WASF3: variants seen among roughly 807,000 people sequenced by gnomAD.
WASF3 encodes actin-binding protein WASF3.
In WASF3, 11 loss-of-function variants were observed where a neutral mutation model predicts 46.6. The observed-to-expected ratio is 0.24, with a 90% CI of 0.15 to 0.39. WASF3 has a LOEUF of 0.39. WASF3 is among the 10% of genes least tolerant of loss of function. WASF3 has a pLI of 1.00. For synonymous variants in WASF3, 242 were observed against 259.7 expected (o/e 0.93, Z 0.65); for missense variants, 576 against 669.8 (o/e 0.86, Z 1.55).
chr13:26,623,218 C>G (rs1306652239), intron 2 of WASF3, among the ~76,000 whole-genome samples: 3 of 152,208 alleles, frequency 2.0e-5, no homozygotes, highest in African/African-American at 7.2e-5. Flanking sequence ...CTACAGCCCT[C>G]CACTGGGTAC....
In WASF3 at chr13:26,682,758, C is replaced by T. The variant is rs1320283822; in HGVS notation, c.1135C>T (p.His379Tyr). ...PPFPASASST[H>Y]AAPPHPPSTG... ...GTTCCCTGCATCAGCCAGCTCCACGCACGCAGCTCCTCCTCACCCACCCTC... is the reference window on the plus strand; with the variant it reads ...GTTCCCTGCATCAGCCAGCTCCACGTACGCAGCTCCTCCTCACCCACCCTC... The change falls in exon 9 of 10, where the codon CAC (histidine) becomes TAC (tyrosine). Residue 379 changes from histidine (H) to tyrosine (Y), a missense_variant. This residue lies in a region of WASF3 where 295 missense variants were observed against 291.5 expected (regional missense o/e 1.01). Coordinates refer to ENST00000335327, the MANE Select transcript of WASF3 (RefSeq NM_006646.6). The surrounding 1 kb of genome is among the most constrained non-coding windows in gnomAD (Gnocchi z 4.4). 6.2e-7 allele frequency: 1 copy of T among 1,613,094 alleles called. No homozygotes were observed. The highest frequency in any genetic ancestry group is 2.2e-5 in the East Asian group (1 of 44,884).
intron 1 of WASF3, among the ~76,000 whole-genome samples, chr13:26,573,618 G>A (rs2137157040): frequency 6.6e-6 from 1 of 152,082 alleles, no homozygotes; most frequent in African/African-American, 2.4e-5. Flanking sequence ...TAAATTTTTA[G>A]GTGGAAAGGC....
At chr13:26,619,730 T>C (rs960575199) in intron 2 of WASF3, among the ~76,000 whole-genome samples, 2 of 152,150 alleles carry the variant, frequency 1.3e-5, no homozygotes, top group African/African-American at 4.8e-5. Context: ...AAAAGGAACC[T>C]TGGAAATGTA....
At chr13:26,647,396 A>AT (rs1453419028) in intron 3 of WASF3, among the ~76,000 whole-genome samples, 7 of 151,122 alleles carry the variant, frequency 4.6e-5, no homozygotes, top group Non-Finnish European at 4.4e-5. Flanking sequence ...GGGAATTTTG[A>AT]TTTTTTTTTC....
chr13:26,684,933 C>T (rs1313648747), intron 9 of WASF3, among the ~76,000 whole-genome samples: 1 of 151,918 alleles, frequency 6.6e-6, no homozygotes, highest in Non-Finnish European at 1.5e-5. Flanking sequence ...AAAGAAAATA[C>T]AAAATTTAAC....
At chr13:26,615,346 G>A (rs991993151) in intron 2 of WASF3, among the ~76,000 whole-genome samples, 4 of 151,920 alleles carry the variant, frequency 2.6e-5, no homozygotes, top group Admixed American at 2.6e-4. Context: ...GTCTCGCTCT[G>A]TCACCAGGCT....
chr13:26,576,450 G>T (rs1218133157), intron 1 of WASF3, among the ~76,000 whole-genome samples: 1 of 152,150 alleles, frequency 6.6e-6, no homozygotes, highest in Non-Finnish European at 1.5e-5. Context: ...AATTTCAGAA[G>T]TACTGAGGCC....
intron 1 of WASF3, among the ~76,000 whole-genome samples, chr13:26,595,760 G>A (rs966237789): frequency 6.6e-6 from 1 of 152,164 alleles, no homozygotes; most frequent in Non-Finnish European, 1.5e-5. Context: ...TTTAACCTTT[G>A]TGATTACTTT....
At chr13:26,675,096 C>T (rs1883024819) in intron 6 of WASF3, among the ~76,000 whole-genome samples, 1 of 152,154 alleles carries the variant, frequency 6.6e-6, no homozygotes, top group African/African-American at 2.4e-5. Context: ...ACCCTATACC[C>T]ACTTAGTAGC....
intron 1 of WASF3, among the ~76,000 whole-genome samples, chr13:26,605,452 G>T (rs1485350169): frequency 6.6e-6 from 1 of 152,146 alleles, no homozygotes; most frequent in Non-Finnish European, 1.5e-5. Context: ...TAAATACGGG[G>T]CAAGTTCAGC....
rs376797006 is a variant in WASF3, at chr13:26,577,720, T to TG, written c.-109+19903dup. 1,239 of 764,196 alleles carry TG rather than the reference T, an allele frequency of 1.6e-3. 12 individuals carry two copies. The African/African-American group carries it at 0.02, about 12-fold the overall frequency. The allele number at this position is 764,196 out of a possible 1,614,324, so 47.3% of individuals were successfully genotyped here. A position where few individuals can be genotyped will look rare whatever the true frequency, so the allele number is the denominator to read the frequency against. Reference sequence around the variant, plus strand: ...AATGGCAAGTAAAAAGTCCTATTTGTGGAAAAAAAAAAATCAAAACCAGGA... The same window carrying TG: ...AATGGCAAGTAAAAAGTCCTATTTGTGGGAAAAAAAAAAATCAAAACCAGGA... On this transcript the variant is annotated intron_variant, in intron 1 of 9. Transcript: ENST00000335327.
chr13:26,557,412 G>C (rs568312192), upstream of WASF3, among the ~76,000 whole-genome samples: 17 of 152,276 alleles, frequency 1.1e-4, no homozygotes, highest in East Asian at 2.9e-3. Flanking sequence ...CTCTTGGCCC[G>C]AAGTATCCCC....
intron 2 of WASF3, among the ~76,000 whole-genome samples, chr13:26,630,283 A>G (rs1349393495): frequency 2.0e-5 from 3 of 152,006 alleles, no homozygotes; most frequent in African/African-American, 7.2e-5. Flanking sequence ...TACATTAGGT[A>G]TTTCTCCTAA....
At chr13:26,635,793 C>T (rs138557873) in intron 2 of WASF3, among the ~76,000 whole-genome samples, 3,794 of 152,326 alleles carry the variant, frequency 0.025, 65 homozygotes, top group Non-Finnish European at 0.038. Flanking sequence ...CACTCCAGAC[C>T]GTGTTTGCCT....
At chr13:26,664,412 AC>A (rs1262712155) in intron 3 of WASF3, among the ~76,000 whole-genome samples, 1 of 152,234 alleles carries the variant, frequency 6.6e-6, no homozygotes, top group African/African-American at 2.4e-5. Context: ...CAGAAATGTT[AC>A]ATTTTAAGAA....
chr13:26,563,249 G>A (rs937067430), intron 1 of WASF3, among the ~76,000 whole-genome samples: 1 of 151,714 alleles, frequency 6.6e-6, no homozygotes, highest in African/African-American at 2.4e-5. Context: ...TTGTAGAGAT[G>A]GTGTTTTGCT....
rs1883172301 is a variant in WASF3 at position 26,679,846 on chromosome 13, T to G, written c.717-1208T>G. On this transcript the variant is annotated intron_variant, in intron 7 of 9. Transcript: ENST00000335327. The surrounding 1 kb of genome is among the most constrained non-coding windows in gnomAD (Gnocchi z 4.8). The stretch of plus-strand genomic sequence containing the variant: ...AGGGAAGAAAATAATGAGTAGTTAT[T>G]AGTTGTTACACTTCAATTAAGGAAG... 6.6e-6 allele frequency among the ~76,000 whole-genome samples: 1 copy of G among 152,176 alleles called. No individual in the cohort carries two copies. The highest frequency in any genetic ancestry group is 1.5e-5 in the Non-Finnish European group (1 of 68,026).
intron 9 of WASF3, 75 bp from the exon 10 acceptor site, chr13:26,685,613 G>A (rs1883378213): frequency 6.4e-7 from 1 of 1,567,244 alleles, no homozygotes; most frequent in Non-Finnish European, 8.7e-7. Flanking sequence ...AAGTCCAATA[G>A]ACATATTTGT....
intron 6 of WASF3, among the ~76,000 whole-genome samples, chr13:26,675,631 A>G (rs898952770): frequency 9.9e-6 from 1 of 100,930 alleles, no homozygotes; most frequent in Non-Finnish European, 2.1e-5. Context: ...TGCAGGCTCC[A>G]TGAGCACAGA....
Sources: gnomAD v4.1 joint callset for allele counts (sites outside exome capture counted in the v4.1 genomes callset) on GRCh38, gnomAD v4.1.1 for gene constraint, gnomAD v4.1.1 regional missense constraint, Gnocchi (gnomAD v3.1) non-coding constraint, MANE v1.5 for transcripts, NCBI Gene and HGNC (gene_info 2026-07-23, HGNC 2026-07-21) for gene names.